Variants in MED26 observed in about 807,000 individuals in gnomAD.
MED26 encodes mediator of RNA polymerase II transcription subunit 26.
Under a neutral mutation model 43.7 loss-of-function variants are expected in MED26, and 7 were observed. The ratio of observed to expected loss-of-function variants is 0.16; its 90% CI spans 0.09 to 0.30. The LOEUF is 0.30. Among genes scored for constraint, MED26 ranks in the 10% least tolerant of loss-of-function variants. The pLI, the probability that MED26 is intolerant of heterozygous loss-of-function variation, is 1.00. For missense variants in MED26, 784 were observed against 840.6 expected, an observed-to-expected ratio of 0.93 and a Z score of 0.83; for synonymous variants, 375 against 371.1, an observed-to-expected ratio of 1.01 and a Z score of -0.12.
intron 1 of MED26, among the ~76,000 whole-genome samples, chr19:16,604,922 G>C (rs1194109906): frequency 1.3e-5 from 2 of 152,162 alleles, no homozygotes; most frequent in Non-Finnish European, 2.9e-5. Flanking sequence ...TATGGGTGCT[G>C]TTACCCCATT....
chr19:16,628,074 G>A lies in MED26; in HGVS notation c.-131C>T. 4.4e-6 allele frequency: 2 copies of A among 454,214 alleles called. No homozygotes were observed. The highest frequency in any genetic ancestry group is 7.8e-5 in the South Asian group (1 of 12,830). 28.1% of individuals were successfully genotyped at this position (454,214 alleles called of 1,614,324 possible). A position where few individuals can be genotyped will look rare whatever the true frequency, so the allele number is the denominator to read the frequency against. On this transcript the variant is annotated 5_prime_UTR_variant, in exon 1 of 3. Transcript: ENST00000263390. ...TCCCCGCGGCGCCGGGGGGTTGGGG[G>A]CGCGCGGGGTGGCGGAGAGGGGAGC...
At chr19:16,591,047 TA>T (rs754827239) in intron 1 of MED26, among the ~76,000 whole-genome samples, 7 of 107,912 alleles carry the variant, frequency 6.5e-5, no homozygotes, top group Admixed American at 2.0e-4. Flanking sequence ...CAAAATAAAA[TA>T]AAATAAATAA....
At chr19:16,578,179 G>A in intron 2 of MED26, 156 bp downstream of exon 2, 1 of 731,996 alleles carries the variant, frequency 1.4e-6, no homozygotes, top group Admixed American at 2.3e-5. Context: ...CCGTGGGAGA[G>A]CAAGATCGCG....
chr19:16,608,104 C>T (rs1242171948), intron 1 of MED26, among the ~76,000 whole-genome samples: 9 of 152,254 alleles, frequency 5.9e-5, no homozygotes, highest in Non-Finnish European at 1.2e-4. Flanking sequence ...TCCAATACAT[C>T]TCCTCTTCTG....
chr19:16,578,502 C>A (rs2086025982), intron 1 of MED26, 93 bp from the exon 2 acceptor site: 1 of 1,205,926 alleles, frequency 8.3e-7, no homozygotes, highest in Admixed American at 2.1e-5. Context: ...CTCTCCCCAA[C>A]CCCAGAGCAA....
chr19:16,577,223 C>G lies in MED26; in HGVS notation c.607G>C (p.Gly203Arg). The change falls in exon 3 of 3, where the codon GGC becomes CGC. Residue 203 changes from glycine (G) to arginine (R), a missense_variant. Gly to Arg is a moderately radical substitution (Grantham distance 125). This residue lies in a region of MED26 where 719 missense variants were observed against 730.9 expected (regional missense o/e 0.98). Coordinates refer to ENST00000263390, the MANE Select transcript of MED26 (RefSeq NM_004831.5). The surrounding 1 kb of genome is among the most constrained non-coding windows in gnomAD (Gnocchi z 8.1). ...CGCTCCAGGCGGCTGCCCTCTGGGC[C>G]TGCATGCCCACTGCCATCCAGGGAG... ...ASSLDGSGHA[G>R]PEGSRLERDE... 1 of 1,613,216 alleles carries G rather than the reference C, an allele frequency of 6.2e-7. No homozygotes were observed. Among genetic ancestry groups the G allele is most frequent in the Non-Finnish European group, 8.5e-7 (1 of 1,179,914 alleles).
rs777388130 is a variant in MED26, at chr19:16,578,413, T to G, written c.73-4A>C. Reference sequence around the variant, plus strand: ...GCACCGCCACCATGTTCCGGATCTGTGGAAATAAAAAGCCATTTGTCAGGT... The same window carrying G: ...GCACCGCCACCATGTTCCGGATCTGGGGAAATAAAAAGCCATTTGTCAGGT... On this transcript the variant is annotated splice_region_variant and splice_polypyrimidine_tract_variant and intron_variant, in intron 1 of 2. Coordinates refer to ENST00000263390, the MANE Select transcript of MED26 (RefSeq NM_004831.5). 7 of 1,613,800 alleles carry G rather than the reference T, an allele frequency of 4.3e-6. No homozygotes were observed. The highest frequency in any genetic ancestry group is 5.9e-6 in the Non-Finnish European group (7 of 1,179,898).
chr19:16,614,177 G>C (rs1457105913), intron 1 of MED26, among the ~76,000 whole-genome samples: 3 of 152,194 alleles, frequency 2.0e-5, no homozygotes, highest in African/African-American at 7.2e-5. Flanking sequence ...GGTCACCAAA[G>C]TAGAAGCAGC....
rs760774436 is a variant in MED26 at position 16,576,451 on chromosome 19, T to C, written c.1379A>G (p.Asp460Gly). 6.2e-6 allele frequency: 10 copies of C among 1,614,044 alleles called. 1 individual carries two copies. In the Middle Eastern group the frequency reaches 1.2e-3, roughly 186 times the overall value. Residue 460 changes from aspartate (D) to glycine (G), a missense_variant, in exon 3 of 3, where the codon GAC becomes GGC. Physicochemically the swap from Asp to Gly is moderately conservative, Grantham distance 94 (BLOSUM62 -1). Around this residue, in one of 3 missense-constraint regions of MED26, gnomAD observed 719 missense variants for 730.9 expected, o/e 0.98. Transcript: ENST00000263390. The surrounding 1 kb of genome is among the most constrained non-coding windows in gnomAD (Gnocchi z 6.8). ...HMEQQSRTEL[D>G]KQEAKASLQS... The stretch of plus-strand genomic sequence containing the variant: ...GAGGCTGGCCTTGGCCTCCTGCTTG[T>C]CCAGCTCTGTCCTGGACTGCTGCTC...
At chr19:16,603,668 G>C (rs2086160058) in intron 1 of MED26, among the ~76,000 whole-genome samples, 1 of 152,150 alleles carries the variant, frequency 6.6e-6, no homozygotes, top group Non-Finnish European at 1.5e-5. Context: ...GTGGGGGCCA[G>C]ATGTAAACAG....
chr19:16,586,616 A>G lies in MED26; in HGVS notation c.73-8207T>C, dbSNP rs1052815424. On this transcript the variant is annotated intron_variant, in intron 1 of 2. Transcript: ENST00000263390. This position sits in a 1 kb window ranked among gnomAD's most constrained non-coding sequence, Gnocchi z 5.1. ...AGGGTGACCCAGGCATGCACGGGCC[A>G]CCACAGCAGGGCTTCAGATGGCACT... Among the ~76,000 whole-genome samples the G allele has an allele frequency of 6.6e-6, 1 of 152,232 alleles. No individual in the cohort carries two copies. Among genetic ancestry groups the G allele is most frequent in the African/African-American group, 2.4e-5 (1 of 41,462 alleles).
In MED26 at chr19:16,621,882, A is replaced by C. The variant is rs552787733; in HGVS notation, c.72+5990T>G. ...ATCCAGAGGGTACAACAACACCCCAAATACTGAAAACCAGTGCCATGTAAT... is the reference window on the plus strand; with the variant it reads ...ATCCAGAGGGTACAACAACACCCCACATACTGAAAACCAGTGCCATGTAAT... On this transcript the variant is annotated intron_variant, in intron 1 of 2. Coordinates refer to ENST00000263390, the MANE Select transcript of MED26 (RefSeq NM_004831.5). 2.0e-5 allele frequency among the ~76,000 whole-genome samples: 3 copies of C among 152,258 alleles called. No individual in the cohort carries two copies. In the South Asian group the frequency reaches 6.2e-4, roughly 32 times the overall value.
chr19:16,609,383 A>G (rs1339157228), intron 1 of MED26, among the ~76,000 whole-genome samples: 1 of 151,782 alleles, frequency 6.6e-6, no homozygotes, highest in Non-Finnish European at 1.5e-5. Context: ...AACCAATCAG[A>G]AGCTGATACA....
chr19:16,622,918 G>A (rs2086258163), intron 1 of MED26, among the ~76,000 whole-genome samples: 1 of 152,152 alleles, frequency 6.6e-6, no homozygotes, highest in Non-Finnish European at 1.5e-5. Flanking sequence ...GAAAAGGAAA[G>A]CCAAGTGTCC....
At chr19:16,591,589 C>G (rs2086097912) in intron 1 of MED26, among the ~76,000 whole-genome samples, 1 of 152,184 alleles carries the variant, frequency 6.6e-6, no homozygotes. Flanking sequence ...CACACACCCC[C>G]TTGTATGCCT....
chr19:16,579,991 C>T lies in MED26; in HGVS notation c.73-1582G>A, dbSNP rs571995381. ...CATCCCTTCCAGAGTGGGGAAGGCC[C>T]GACTTGAATGCTGTGGGACACTTAG... On this transcript the variant is annotated intron_variant, in intron 1 of 2. Transcript: ENST00000263390. 3.0e-4 allele frequency among the ~76,000 whole-genome samples: 45 copies of T among 152,280 alleles called. 1 individual carries two copies. In the South Asian group the frequency reaches 6.8e-3, roughly 23 times the overall value.
chr19:16,588,373 G>A (rs1262584362), intron 1 of MED26: 1 of 152,334 alleles, frequency 6.6e-6, no homozygotes, highest in Non-Finnish European at 1.5e-5. Flanking sequence ...GAACGAGCCA[G>A]CTTTTCAGGA....
intron 1 of MED26, among the ~76,000 whole-genome samples, chr19:16,582,773 T>C (rs2086052207): frequency 6.6e-6 from 1 of 152,204 alleles, no homozygotes; most frequent in South Asian, 2.1e-4. Context: ...TGTGTCCACC[T>C]GGGCTGGAGA....
intron 1 of MED26, among the ~76,000 whole-genome samples, chr19:16,627,350 G>A (rs2086283831): frequency 6.6e-6 from 1 of 152,170 alleles, no homozygotes; most frequent in Admixed American, 6.5e-5. Flanking sequence ...AAACAGACTG[G>A]GGGTTCTCTC....
Sources: allele counts gnomAD v4.1 joint callset (sites outside exome capture counted in the v4.1 genomes callset), GRCh38; gene constraint gnomAD v4.1.1; regional missense constraint gnomAD v4.1.1; non-coding constraint Gnocchi (gnomAD v3.1); transcripts MANE v1.5; gene names NCBI Gene and HGNC (gene_info 2026-07-23, HGNC 2026-07-21).